BACH2: variants seen among roughly 807,000 people sequenced by gnomAD.
BACH2 encodes the protein BACH transcriptional regulator 2.
BACH2 carries 5 observed loss-of-function variants against 61.8 expected under a neutral mutation model. The ratio of observed to expected loss-of-function variants is 0.08; its 90% CI spans 0.04 to 0.17. The LOEUF (loss-of-function observed/expected upper bound fraction) is 0.17, where lower values mean the gene tolerates loss of function less well. Among genes scored for constraint, BACH2 ranks in the 10% least tolerant of loss-of-function variants. The pLI is 1.00. For missense variants in BACH2, 824 were observed against 1,091.1 expected, an observed-to-expected ratio of 0.76 and a Z score of 3.45; for synonymous variants, 446 against 440.1, an observed-to-expected ratio of 1.01 and a Z score of -0.17.
intron 1 of BACH2, among the ~76,000 whole-genome samples, chr6:90,276,595 T>C (rs1771698718): frequency 6.6e-6 from 1 of 152,210 alleles, no homozygotes; most frequent in African/African-American, 2.4e-5. Context: ...GCAAATTCTT[T>C]TGCCTACAGA....
At chr6:90,054,971 G>GT (rs1780253626) in intron 5 of BACH2, among the ~76,000 whole-genome samples, 1 of 152,184 alleles carries the variant, frequency 6.6e-6, no homozygotes, top group African/African-American at 2.4e-5. Context: ...AAACCCATCT[G>GT]TAAGTCACCA....
chr6:89,996,038 T>C (rs565265024), intron 6 of BACH2, among the ~76,000 whole-genome samples: 2 of 152,320 alleles, frequency 1.3e-5, no homozygotes, highest in South Asian at 4.2e-4. Context: ...TTTTTTCCTG[T>C]TTCTCAAAGG....
At chr6:89,976,029 C>A (rs1402774672) in intron 6 of BACH2, among the ~76,000 whole-genome samples, 2 of 152,188 alleles carry the variant, frequency 1.3e-5, no homozygotes, top group Middle Eastern at 3.2e-3. Flanking sequence ...TAATTTAGAA[C>A]CACAAGAGCT....
chr6:90,038,316 C>A lies in BACH2; in HGVS notation c.-12-29460G>T, dbSNP rs569433208. ...AGCACCCCAGAATTCTCCTTCATGC[C>A]CCATCCCAGTTGTTATTTCCACCAA... On this transcript the variant is annotated intron_variant, in intron 5 of 8. Coordinates refer to ENST00000257749, the MANE Select transcript of BACH2 (RefSeq NM_021813.4). Among the ~76,000 whole-genome samples the A allele has an allele frequency of 8.0e-4, 122 of 152,270 alleles. 2 individuals carry two copies. The highest frequency in any genetic ancestry group is 2.8e-3 in the African/African-American group (115 of 41,564).
chr6:89,963,268 T>C (rs1225253895), intron 6 of BACH2, among the ~76,000 whole-genome samples: 2 of 152,114 alleles, frequency 1.3e-5, no homozygotes, highest in African/African-American at 4.8e-5. Context: ...ATTGAAATCC[T>C]TGTGCACTGT....
chr6:90,130,954 C>T (rs970816639), intron 4 of BACH2, among the ~76,000 whole-genome samples: 4 of 152,184 alleles, frequency 2.6e-5, no homozygotes, highest in Admixed American at 2.0e-4. Flanking sequence ...TAAGGTAATA[C>T]ACATGCAAAA....
chr6:90,009,460 C>T (rs1252043887), intron 5 of BACH2, among the ~76,000 whole-genome samples: 1 of 152,186 alleles, frequency 6.6e-6, no homozygotes, highest in Non-Finnish European at 1.5e-5. Context: ...CACTTCAAGG[C>T]AAAGCACAAT....
At chr6:90,242,553 G>T (rs1291347685) in intron 3 of BACH2, among the ~76,000 whole-genome samples, 1 of 152,212 alleles carries the variant, frequency 6.6e-6, no homozygotes, top group East Asian at 1.9e-4. Flanking sequence ...AGATTCGCAT[G>T]CAGGTTGTTC....
At chr6:90,295,651 T>A in intron 1 of BACH2, among the ~76,000 whole-genome samples, 1 of 130,414 alleles carries the variant, frequency 7.7e-6, no homozygotes, top group Middle Eastern at 3.8e-3. Flanking sequence ...GACTGGAGTG[T>A]AGGGTGTGTG....
intron 3 of BACH2, among the ~76,000 whole-genome samples, chr6:90,238,317 T>A (rs2127863418): frequency 6.6e-6 from 1 of 152,238 alleles, no homozygotes; most frequent in Non-Finnish European, 1.5e-5. Flanking sequence ...TGGCTAGACA[T>A]ATTTCGATAG....
chr6:90,142,902 T>G (rs764639137), intron 4 of BACH2, among the ~76,000 whole-genome samples: 1 of 152,310 alleles, frequency 6.6e-6, no homozygotes, highest in South Asian at 2.1e-4. Context: ...TGGACATGAT[T>G]AGAGGCAGGC....
chr6:90,267,909 T>C (rs1477108432), intron 2 of BACH2, among the ~76,000 whole-genome samples: 4 of 152,096 alleles, frequency 2.6e-5, no homozygotes, highest in Non-Finnish European at 5.9e-5. Context: ...ATCAACTTTT[T>C]CTATATTCAC....
intron 4 of BACH2, among the ~76,000 whole-genome samples, chr6:90,201,850 T>C (rs1223488017): frequency 6.6e-6 from 1 of 152,206 alleles, no homozygotes; most frequent in Non-Finnish European, 1.5e-5. Flanking sequence ...AAAATGACTG[T>C]TGAGGCTTAT....
At chr6:90,089,905 C>G (rs1347217337) in intron 4 of BACH2, among the ~76,000 whole-genome samples, 1 of 152,050 alleles carries the variant, frequency 6.6e-6, no homozygotes, top group Non-Finnish European at 1.5e-5. Flanking sequence ...GATGCATATT[C>G]TTATTAAGTG....
intron 5 of BACH2, among the ~76,000 whole-genome samples, chr6:90,047,093 C>T (rs1779818810): frequency 6.6e-6 from 1 of 152,114 alleles, no homozygotes; most frequent in Admixed American, 6.6e-5. Flanking sequence ...ATTACGCAGG[C>T]TAATTTTTGT....
intron 1 of BACH2, among the ~76,000 whole-genome samples, chr6:90,295,243 G>A (rs373114481): frequency 3.3e-5 from 5 of 152,218 alleles, no homozygotes; most frequent in African/African-American, 1.2e-4. Flanking sequence ...AAACCACCCC[G>A]GCAGCGGCCG....
intron 3 of BACH2, among the ~76,000 whole-genome samples, chr6:90,216,686 A>G (rs1339156471): frequency 6.6e-6 from 1 of 152,278 alleles, no homozygotes; most frequent in African/African-American, 2.4e-5. Context: ...GTAACTGAGC[A>G]GCCAGCTCAT....
chr6:90,083,798 T>A (rs767497973), intron 5 of BACH2, among the ~76,000 whole-genome samples: 1 of 152,186 alleles, frequency 6.6e-6, no homozygotes, highest in East Asian at 1.9e-4. Context: ...TATTAAAGCA[T>A]GGAAATAGGT....
At chr6:90,200,068 A>G (rs1768905982) in intron 4 of BACH2, among the ~76,000 whole-genome samples, 1 of 152,210 alleles carries the variant, frequency 6.6e-6, no homozygotes, top group Admixed American at 6.5e-5. Flanking sequence ...AACCCAAGAA[A>G]GTTTTGCAAC....
Sources: allele counts gnomAD v4.1 joint callset (sites outside exome capture counted in the v4.1 genomes callset), GRCh38; gene constraint gnomAD v4.1.1; transcripts MANE v1.5; gene names NCBI Gene and HGNC (gene_info 2026-07-23, HGNC 2026-07-21).